PARD3B: variants seen among roughly 807,000 people sequenced by gnomAD.
PARD3B encodes partitioning defective 3 homolog B.
PARD3B carries 103 observed loss-of-function variants against 130.2 expected under a neutral mutation model. That is an observed-to-expected ratio of 0.79 (90% CI 0.67 to 0.93). PARD3B has a LOEUF of 0.93. PARD3B is among the 40% of genes least tolerant of loss of function. The pLI, the probability that PARD3B is intolerant of heterozygous loss-of-function variation, is 0.00. For synonymous variants in PARD3B, 583 were observed against 553.2 expected, an observed-to-expected ratio of 1.05 and a Z score of -0.76; for missense variants, 1,609 against 1,499.2, an observed-to-expected ratio of 1.07 and a Z score of -1.21.
At chr2:204,829,597 A>G (rs1240780428) in intron 2 of PARD3B, among the ~76,000 whole-genome samples, 1 of 152,136 alleles carries the variant, frequency 6.6e-6, no homozygotes, top group Non-Finnish European at 1.5e-5. Context: ...TGTAATCCCC[A>G]GTGTTGGCAG....
rs2051554393 is a variant in PARD3B at position 205,530,717 on chromosome 2, A to C, written c.3181-22607A>C. On this transcript the variant is annotated intron_variant, in intron 21 of 22. Transcript: ENST00000406610. This position sits in a 1 kb window ranked among gnomAD's most constrained non-coding sequence, Gnocchi z 4.7. The stretch of plus-strand genomic sequence containing the variant: ...TTCCTTTCTTTCATAATCCCCTACA[A>C]AGTGTTGCACATGCTTCCACTGAGG... Among the ~76,000 whole-genome samples the C allele has an allele frequency of 6.6e-6, 1 of 151,504 alleles. No individual in the cohort carries two copies.
At chr2:204,659,301 T>C (rs542730115) in intron 1 of PARD3B, among the ~76,000 whole-genome samples, 4 of 152,324 alleles carry the variant, frequency 2.6e-5, no homozygotes, top group African/African-American at 7.2e-5. Flanking sequence ...AAGTAATTTC[T>C]TTCTGTATTC....
chr2:205,429,753 C>T (rs1424141565), intron 19 of PARD3B, among the ~76,000 whole-genome samples: 1 of 152,146 alleles, frequency 6.6e-6, no homozygotes, highest in Non-Finnish European at 1.5e-5. Flanking sequence ...TAACAGATTA[C>T]CATCAACTTG....
intron 3 of PARD3B, among the ~76,000 whole-genome samples, chr2:205,037,677 C>A (rs1376358337): frequency 4.7e-5 from 7 of 148,560 alleles, no homozygotes; most frequent in African/African-American, 1.7e-4. Flanking sequence ...ATATAGTGGA[C>A]TATATATATA....
rs1457508750 is a variant in PARD3B at position 205,265,362 on chromosome 2, CA to C, written c.2185+19541del. Among the ~76,000 whole-genome samples the C allele has an allele frequency of 2.0e-5, 3 of 151,956 alleles. No homozygotes were observed. The highest frequency in any genetic ancestry group is 4.4e-5 in the Non-Finnish European group (3 of 67,926). On this transcript the variant is annotated intron_variant, in intron 16 of 22. Coordinates refer to ENST00000406610, the MANE Select transcript of PARD3B (RefSeq NM_001302769.2). This position sits in a 1 kb window ranked among gnomAD's most constrained non-coding sequence, Gnocchi z 4.3. The stretch of plus-strand genomic sequence containing the variant: ...TCATCAGTCTCTAAATGTTAGTAAT[CA>C]TTTGGTTTATTTACTTTTGAAATTA...
intron 3 of PARD3B, among the ~76,000 whole-genome samples, chr2:204,973,805 A>G (rs2125185189): frequency 6.6e-6 from 1 of 152,332 alleles, no homozygotes; most frequent in East Asian, 1.9e-4. Flanking sequence ...AAAGTAGGAA[A>G]TACTGAAACA....
rs1291374434 is a variant in PARD3B, at chr2:205,350,920, GTTAA to G, written c.2630+49223_2630+49226del. Among the ~76,000 whole-genome samples the G allele has an allele frequency of 3.3e-5, 5 of 152,136 alleles. No homozygotes were observed. The East Asian group carries it at 7.7e-4, about 23-fold the overall frequency. On this transcript the variant is annotated intron_variant, in intron 18 of 22. Coordinates refer to ENST00000406610, the MANE Select transcript of PARD3B (RefSeq NM_001302769.2). ...TTTTAATTATTATTAATACTTAATAGTTAATTACTTAGTTCAAGTTATGCTAAAA... is the reference window on the plus strand; with the variant it reads ...TTTTAATTATTATTAATACTTAATAGTTACTTAGTTCAAGTTATGCTAAAA...
intron 4 of PARD3B, chr2:205,048,600 A>G (rs1235500855): frequency 1.3e-5 from 2 of 152,204 alleles, no homozygotes; most frequent in African/African-American, 4.8e-5. Context: ...TAACGCCTTA[A>G]GAAAAAATAA....
At chr2:204,578,741 C>T (rs1447849978) in intron 1 of PARD3B, among the ~76,000 whole-genome samples, 4 of 152,236 alleles carry the variant, frequency 2.6e-5, no homozygotes, top group East Asian at 1.9e-4. Flanking sequence ...AAAAGTGTCA[C>T]CTTTGTCCTG....
intron 3 of PARD3B, among the ~76,000 whole-genome samples, chr2:204,980,266 A>C (rs1692550827): frequency 6.6e-6 from 1 of 152,236 alleles, no homozygotes; most frequent in Admixed American, 6.5e-5. Context: ...TGCAAATTTC[A>C]GCAACAAAAT....
Position 205,158,755 on chromosome 2 carries a change from G to A in PARD3B, c.1468G>A (p.Glu490Lys), listed in dbSNP as rs779121059. Reference protein sequence around the residue: ...GEPDCCALSLETSEQLTFEIP... With the variant: ...GEPDCCALSLKTSEQLTFEIP... The stretch of plus-strand genomic sequence containing the variant: ...ACCTGACTGCTGTGCACTCTCTCTG[G>A]AGACAAGCGAGCAGCTCACCTTTGA... Residue 490 changes from glutamate (E) to lysine (K), a missense_variant, in exon 11 of 23, where the codon GAG becomes AAG. Transcript: ENST00000406610. The surrounding 1 kb of genome is among the most constrained non-coding windows in gnomAD (Gnocchi z 5.4). 6.2e-7 allele frequency: 1 copy of A among 1,614,110 alleles called. No individual in the cohort carries two copies. Among genetic ancestry groups the A allele is most frequent in the South Asian group, 1.1e-5 (1 of 91,078 alleles).
intron 21 of PARD3B, among the ~76,000 whole-genome samples, chr2:205,522,665 G>C (rs2051130375): frequency 6.6e-6 from 1 of 152,164 alleles, no homozygotes; most frequent in Non-Finnish European, 1.5e-5. Context: ...TTGTGGTACT[G>C]GCACACTAGT....
intron 22 of PARD3B, among the ~76,000 whole-genome samples, chr2:205,583,899 A>T (rs1204693198): frequency 6.6e-6 from 1 of 152,158 alleles, no homozygotes; most frequent in Admixed American, 6.5e-5. Context: ...GTCACTTCCA[A>T]ACTGCCCCTC....
intron 1 of PARD3B, among the ~76,000 whole-genome samples, chr2:204,642,620 C>T (rs1448718996): frequency 6.6e-6 from 1 of 151,920 alleles, no homozygotes; most frequent in Non-Finnish European, 1.5e-5. Flanking sequence ...AAATATTCTG[C>T]CTGGTGTGAC....
At chr2:204,999,977 A>T (rs1389766352) in intron 3 of PARD3B, among the ~76,000 whole-genome samples, 1 of 151,998 alleles carries the variant, frequency 6.6e-6, no homozygotes, top group African/African-American at 2.4e-5. Context: ...GGTTTGCAGA[A>T]TTGTTACCAA....
chr2:204,687,989 A>G (rs2037169255), intron 2 of PARD3B, among the ~76,000 whole-genome samples: 1 of 152,158 alleles, frequency 6.6e-6, no homozygotes, highest in Non-Finnish European at 1.5e-5. Flanking sequence ...CATTCTTTTA[A>G]ACTATCTCAG....
intron 22 of PARD3B, among the ~76,000 whole-genome samples, chr2:205,556,141 A>T (rs2052873923): frequency 1.3e-5 from 2 of 152,186 alleles, no homozygotes; most frequent in African/African-American, 4.8e-5. Context: ...ATCCCTCTTC[A>T]TCACAGAGGC....
At chr2:205,438,490 C>A (rs1410703258) in intron 19 of PARD3B, among the ~76,000 whole-genome samples, 1 of 152,168 alleles carries the variant, frequency 6.6e-6, no homozygotes, top group Admixed American at 6.5e-5. Flanking sequence ...CAGAATCCTA[C>A]CCCCTAACTT....
chr2:204,815,272 A>G (rs1016671406), intron 2 of PARD3B, among the ~76,000 whole-genome samples: 2 of 151,948 alleles, frequency 1.3e-5, no homozygotes, highest in Admixed American at 1.3e-4. Context: ...TTATCTTTCA[A>G]TAAATATTTG....
Sources: gnomAD v4.1 joint callset for allele counts (sites outside exome capture counted in the v4.1 genomes callset) on GRCh38, gnomAD v4.1.1 for gene constraint, Gnocchi (gnomAD v3.1) non-coding constraint, MANE v1.5 for transcripts, NCBI Gene and HGNC (gene_info 2026-07-23, HGNC 2026-07-21) for gene names.